The following MBD2 variants were observed in gnomAD, a reference collection of about 807,000 sequenced individuals.
MBD2 encodes the protein methyl-CpG binding domain protein 2.
In MBD2, 9 loss-of-function variants were observed where a neutral mutation model predicts 39.3. The observed-to-expected ratio is 0.23, with a 90% CI of 0.14 to 0.40. The LOEUF (loss-of-function observed/expected upper bound fraction) is 0.40, where lower values mean the gene tolerates loss of function less well. MBD2 is among the 10% of genes least tolerant of loss of function. The pLI is 1.00. For missense variants in MBD2, 458 were observed against 532.6 expected, an observed-to-expected ratio of 0.86 and a Z score of 1.38; for synonymous variants, 233 against 211.1, an observed-to-expected ratio of 1.10 and a Z score of -0.90.
At chr18:54,201,563 T>C (rs1003785931) in intron 2 of MBD2, among the ~76,000 whole-genome samples, 1 of 152,148 alleles carries the variant, frequency 6.6e-6, no homozygotes. Flanking sequence ...TGCAGAGTTC[T>C]TAAAAAGATA....
intron 1 of MBD2, among the ~76,000 whole-genome samples, chr18:54,219,355 T>C (rs1303049460): frequency 6.6e-6 from 1 of 152,222 alleles, no homozygotes; most frequent in Non-Finnish European, 1.5e-5. Flanking sequence ...AAAGTCATTT[T>C]AAGGCTTGTT....
rs1385263619 is a variant in MBD2, at chr18:54,162,770, TGTTTTCTTAAAAAATAAA to T, written c.1109+1735_1109+1752del. Among the ~76,000 whole-genome samples, 26 of 152,386 alleles carry T rather than the reference TGTTTTCTTAAAAAATAAA, an allele frequency of 1.7e-4. No homozygotes were observed. In the East Asian group the frequency reaches 3.5e-3, roughly 20 times the overall value. On this transcript the variant is annotated intron_variant, in intron 5 of 6. Coordinates refer to ENST00000256429, the MANE Select transcript of MBD2 (RefSeq NM_003927.5). ...GATTCCTTTCATTGATTTTACATTT[TGTTTTCTTAAAAAATAAA>T]GTTTTTAAGAAACTTCATTCATATT...
rs553918531 is a variant in MBD2 at position 54,205,961 on chromosome 18, C to T, written c.543-804G>A. Among the ~76,000 whole-genome samples the T allele has an allele frequency of 4.8e-3, 699 of 144,656 alleles. 2 individuals carry two copies. Among genetic ancestry groups the T allele is most frequent in the Non-Finnish European group, 7.9e-3 (534 of 67,702 alleles). The allele number at this position is 144,656 out of a possible 152,430, so 94.9% of individuals were successfully genotyped here. On this transcript the variant is annotated intron_variant, in intron 1 of 6. Coordinates refer to ENST00000256429, the MANE Select transcript of MBD2 (RefSeq NM_003927.5). ...CCCTTGTTTAAAACACACACATACA[C>T]ACACACACACACACACACACACAAA...
At chr18:54,166,831 C>T (rs1224951030) in intron 3 of MBD2, among the ~76,000 whole-genome samples, 1 of 152,170 alleles carries the variant, frequency 6.6e-6, no homozygotes, top group Non-Finnish European at 1.5e-5. Flanking sequence ...GCTCCTCGTG[C>T]CCTAGGGGCT....
intron 3 of MBD2, among the ~76,000 whole-genome samples, chr18:54,181,655 C>A (rs1415107653): frequency 6.6e-6 from 1 of 152,124 alleles, no homozygotes; most frequent in Non-Finnish European, 1.5e-5. Context: ...CCTGCCACCA[C>A]ACCCAGCTAA....
intron 3 of MBD2, among the ~76,000 whole-genome samples, chr18:54,182,639 A>G (rs2086258812): frequency 6.6e-6 from 1 of 152,202 alleles, no homozygotes; most frequent in Admixed American, 6.5e-5. Context: ...CACTATTAAC[A>G]CTATCAGACC....
chr18:54,204,591 A>G (rs1212130117), intron 2 of MBD2, among the ~76,000 whole-genome samples: 1 of 152,238 alleles, frequency 6.6e-6, no homozygotes, highest in Admixed American at 6.5e-5. Context: ...TCAAAGGTCA[A>G]AAAAACACTG....
chr18:54,177,743 A>T (rs2086222331), intron 3 of MBD2, among the ~76,000 whole-genome samples: 1 of 144,136 alleles, frequency 6.9e-6, no homozygotes, highest in Non-Finnish European at 1.5e-5. Flanking sequence ...GCCTCCCAAG[A>T]TGCTGGGATT....
At chr18:54,188,728 T>C (rs1239958388) in intron 3 of MBD2, 146 bp downstream of exon 3, 1 of 759,450 alleles carries the variant, frequency 1.3e-6, no homozygotes, top group East Asian at 2.7e-5. Context: ...TTTTGCATAC[T>C]TCAGCATTCA....
At chr18:54,214,956 G>A (rs918625956) in intron 1 of MBD2, among the ~76,000 whole-genome samples, 2 of 151,920 alleles carry the variant, frequency 1.3e-5, no homozygotes, top group African/African-American at 4.8e-5. Flanking sequence ...TAGCCAGGAT[G>A]GTCTCGATCT....
chr18:54,200,305 T>C (rs775324398), intron 2 of MBD2, among the ~76,000 whole-genome samples: 13 of 152,250 alleles, frequency 8.5e-5, no homozygotes, highest in African/African-American at 1.4e-4. Context: ...ATGTCATATG[T>C]CACATTAAAT....
chr18:54,213,492 G>A (rs1328495274), intron 1 of MBD2, among the ~76,000 whole-genome samples: 1 of 152,134 alleles, frequency 6.6e-6, no homozygotes, highest in Non-Finnish European at 1.5e-5. Flanking sequence ...TGTATCATTT[G>A]TTTAAAAAAT....
rs200099603 is a variant in MBD2, at chr18:54,159,795, G to C, written c.1218C>G (p.Asp406Glu). The C allele has an allele frequency of 6.2e-6, 10 of 1,611,200 alleles. No homozygotes were observed. In the African/African-American group the frequency reaches 1.2e-4, roughly 19 times the overall value. Residue 406 changes from aspartate to glutamate, a missense_variant, in exon 6 of 7, where the codon GAC becomes GAG. By Grantham distance (45) the Asp-to-Glu change is conservative. Around this residue, in one of 2 missense-constraint regions of MBD2, gnomAD observed 189 missense variants for 296.6 expected, o/e 0.64. Coordinates refer to ENST00000256429, the MANE Select transcript of MBD2 (RefSeq NM_003927.5). ...ADTEEMDIEM[D>E]SGDEA The stretch of plus-strand genomic sequence containing the variant: ...CATATTCTTAGGCTTCATCTCCACT[G>C]TCCATTTCAATATCCATCTCTTCTG...
chr18:54,188,988 T>C lies in MBD2; in HGVS notation c.726A>G (p.Thr242=), dbSNP rs761615321. 3.1e-6 allele frequency: 5 copies of C among 1,607,678 alleles called. No homozygotes were observed. The highest frequency in any genetic ancestry group is 4.3e-6 in the Non-Finnish European group (5 of 1,175,906). ...QNKGKPDLNT[T]LPIRQTASIF... ...TTGATGCTGTTTGTCTAATTGGCAA[T>C]GTTGTATTCAAGTCTGGTTTACCCT... Residue 242 remains threonine (T), a synonymous_variant, in exon 3 of 7, where the codon ACA becomes ACG. Transcript: ENST00000256429.
chr18:54,185,065 G>A lies in MBD2; in HGVS notation c.840+3809C>T, dbSNP rs369325035. On this transcript the variant is annotated intron_variant, in intron 3 of 6. Transcript: ENST00000256429. ...AATGCCTGAAATAGTAACCCTCTGG[G>A]TTTTAGCAACTGAAAGCTGATCTAT... 5.3e-4 allele frequency among the ~76,000 whole-genome samples: 80 copies of A among 152,228 alleles called. 1 individual carries two copies. The South Asian group carries it at 0.013, about 26-fold the overall frequency.
chr18:54,209,341 A>C (rs4940315), intron 1 of MBD2, among the ~76,000 whole-genome samples: 43,267 of 149,552 alleles, frequency 0.29, 7,423 homozygotes, highest in East Asian at 0.55. Context: ...TATTATAAAC[A>C]AAAAGGCTAG....
chr18:54,167,971 A>G (rs998986053), intron 3 of MBD2, among the ~76,000 whole-genome samples: 2 of 150,898 alleles, frequency 1.3e-5, no homozygotes, highest in South Asian at 4.2e-4. Context: ...AAAGGAAAAC[A>G]AAACCCAGTT....
intron 1 of MBD2, among the ~76,000 whole-genome samples, chr18:54,218,983 G>C (rs1313323549): frequency 6.7e-6 from 1 of 149,784 alleles, no homozygotes; most frequent in African/African-American, 2.5e-5. Context: ...AAAAAATCCA[G>C]TATGATAGCT....
chr18:54,204,275 C>A (rs2086431667), intron 2 of MBD2, among the ~76,000 whole-genome samples: 1 of 152,218 alleles, frequency 6.6e-6, no homozygotes, highest in South Asian at 2.1e-4. Flanking sequence ...AAAATAGTCA[C>A]ATATGTTTAG....
Sources: gnomAD v4.1 joint callset for allele counts (sites outside exome capture counted in the v4.1 genomes callset) on GRCh38, gnomAD v4.1.1 for gene constraint, gnomAD v4.1.1 regional missense constraint, MANE v1.5 for transcripts, NCBI Gene and HGNC (gene_info 2026-07-23, HGNC 2026-07-21) for gene names.